Variants in DOCK3 observed in about 807,000 individuals in gnomAD.
The protein encoded by DOCK3 is dedicator of cytokinesis 3.
DOCK3 carries 60 observed loss-of-function variants against 265.6 expected under a neutral mutation model. The observed-to-expected ratio is 0.23, with a 90% confidence interval of 0.18 to 0.28. The LOEUF (loss-of-function observed/expected upper bound fraction) is 0.28. Ranked by LOEUF, DOCK3 falls within the 10% of genes least tolerant of loss-of-function variation. DOCK3 has a pLI of 1.00. For missense variants in DOCK3, 1,981 were observed against 2,594.3 expected (o/e 0.76, Z 5.14); for synonymous variants, 881 against 938.0 (o/e 0.94, Z 1.11).
intron 12 of DOCK3, among the ~76,000 whole-genome samples, chr3:51,165,615 G>T (rs2086363661): frequency 6.6e-6 from 1 of 151,796 alleles, no homozygotes; most frequent in Non-Finnish European, 1.5e-5. Flanking sequence ...CTATCCTCTA[G>T]CCCCTGGCAA....
At chr3:51,348,277 C>G (rs1440872032) in intron 38 of DOCK3, among the ~76,000 whole-genome samples, 1 of 152,184 alleles carries the variant, frequency 6.6e-6, no homozygotes, top group East Asian at 1.9e-4. Context: ...AATTTAAGGT[C>G]AAATAGTTCC....
chr3:50,796,310 C>A lies in DOCK3; in HGVS notation c.121+17552C>A, dbSNP rs189478193. Among the ~76,000 whole-genome samples, 25 of 151,890 alleles carry A rather than the reference C, an allele frequency of 1.6e-4. No individual in the cohort carries two copies. The East Asian group carries it at 3.9e-3, about 24-fold the overall frequency. On this transcript the variant is annotated intron_variant, in intron 2 of 52. Transcript: ENST00000266037. ...CCTCCCAAAGTGCTGGGATTACAGG[C>A]GTGAGCCACCATGCCCAGCCATTTT...
At chr3:50,717,078 A>C (rs1421116702) in intron 1 of DOCK3, among the ~76,000 whole-genome samples, 1 of 152,182 alleles carries the variant, frequency 6.6e-6, no homozygotes, top group Admixed American at 6.6e-5. Flanking sequence ...CCATAGGGAG[A>C]GTCCTTATTT....
rs528872873 is a variant in DOCK3, at chr3:50,723,487, A to G, written c.37+48187A>G. 2.6e-5 allele frequency among the ~76,000 whole-genome samples: 4 copies of G among 152,282 alleles called. No individual in the cohort carries two copies. In the South Asian group the frequency reaches 8.3e-4, roughly 32 times the overall value. On this transcript the variant is annotated intron_variant, in intron 1 of 52. Transcript: ENST00000266037. ...GGAGTTTGAGAACAGCCTGGCCAAC[A>G]TCGCGAAACCTCGTATCTACTTTGG...
chr3:51,337,945 G>A (rs1001381208), intron 35 of DOCK3, among the ~76,000 whole-genome samples: 1 of 152,228 alleles, frequency 6.6e-6, no homozygotes, highest in Non-Finnish European at 1.5e-5. Flanking sequence ...GGGCCCTGAA[G>A]TGGAGGGTCT....
intron 4 of DOCK3, among the ~76,000 whole-genome samples, chr3:50,920,368 C>T (rs528529077): frequency 2.0e-4 from 30 of 152,226 alleles, no homozygotes; most frequent in African/African-American, 5.3e-4. Context: ...GCTGTGAATC[C>T]GTCTGGTCCT....
chr3:51,354,911 C>T lies in DOCK3; in HGVS notation c.4137C>T (p.Asp1379=), dbSNP rs1486008217. Residue 1379 remains aspartate, a synonymous_variant, in exon 41 of 53, where the codon GAC becomes GAT. Transcript: ENST00000266037. ...AAGAATACGTGTGCCGTGGCCATGA[C>T]TACGAGAGGCTGGAGGCCTTCCAGC... ...RNKEYVCRGH[D]YERLEAFQQR... The T allele has an allele frequency of 1.2e-6, 2 of 1,613,806 alleles. No individual in the cohort carries two copies. The highest frequency in any genetic ancestry group is 1.6e-4 in the Middle Eastern group (1 of 6,084).
chr3:50,833,275 A>G (rs1371968636), intron 2 of DOCK3, among the ~76,000 whole-genome samples: 3 of 152,212 alleles, frequency 2.0e-5, no homozygotes, highest in African/African-American at 7.2e-5. Flanking sequence ...GAATCTAATA[A>G]CAGGCATACC....
At chr3:51,257,618 A>G (rs963052497) in intron 22 of DOCK3, among the ~76,000 whole-genome samples, 2 of 152,194 alleles carry the variant, frequency 1.3e-5, no homozygotes, top group Admixed American at 1.3e-4. Flanking sequence ...CTTAGCAGGT[A>G]GCCACAAGGA....
rs541430117 is a variant in DOCK3, at chr3:50,968,664, C to T, written c.315+34587C>T. ...TCCTAGGTTCAAGTGATTCTCCTGC[C>T]TCAGCCTCCCGAGTAGTTGGGACAA... On this transcript the variant is annotated intron_variant, in intron 5 of 52. Coordinates refer to ENST00000266037, the MANE Select transcript of DOCK3 (RefSeq NM_004947.5). Among the ~76,000 whole-genome samples, 214 of 152,036 alleles carry T rather than the reference C, an allele frequency of 1.4e-3. No individual in the cohort carries two copies. The Middle Eastern group carries it at 0.017, about 12-fold the overall frequency.
chr3:51,320,324 G>C (rs2083622340), intron 32 of DOCK3, among the ~76,000 whole-genome samples: 1 of 152,206 alleles, frequency 6.6e-6, no homozygotes, highest in African/African-American at 2.4e-5. Flanking sequence ...CCACACACCA[G>C]GAGATTCCCT....
At chr3:51,098,567 T>G (rs2082959204) in intron 9 of DOCK3, among the ~76,000 whole-genome samples, 2 of 152,228 alleles carry the variant, frequency 1.3e-5, no homozygotes. Context: ...GGCGAGCACT[T>G]TTTTATTAAA....
intron 1 of DOCK3, among the ~76,000 whole-genome samples, chr3:50,764,532 A>C (rs532877137): frequency 6.6e-6 from 1 of 152,312 alleles, no homozygotes; most frequent in African/African-American, 2.4e-5. Context: ...AATTCTTGGA[A>C]ACCATCCTGT....
At chr3:51,272,234 T>C (rs1353032347) in intron 24 of DOCK3, among the ~76,000 whole-genome samples, 1 of 152,014 alleles carries the variant, frequency 6.6e-6, no homozygotes, top group Non-Finnish European at 1.5e-5. Flanking sequence ...AGCAAAACAA[T>C]TATTAGAATT....
chr3:51,296,693 G>A (rs970171490), intron 27 of DOCK3, among the ~76,000 whole-genome samples: 2 of 151,940 alleles, frequency 1.3e-5, no homozygotes, highest in African/African-American at 2.4e-5. Context: ...AGCCAGGATG[G>A]TCTCGATCTC....
chr3:51,308,307 G>A (rs1430771358), intron 27 of DOCK3, among the ~76,000 whole-genome samples: 1 of 150,864 alleles, frequency 6.6e-6, no homozygotes, highest in South Asian at 2.1e-4. Context: ...TGGAGGGAAG[G>A]TCAGCAGATA....
chr3:51,044,324 A>G (rs977883372), intron 5 of DOCK3, among the ~76,000 whole-genome samples: 2 of 152,076 alleles, frequency 1.3e-5, no homozygotes, highest in Admixed American at 1.3e-4. Context: ...AACTAACACA[A>G]AAAAACAGAA....
At position 51,266,361 on chromosome 3, in the gene DOCK3, G is replaced by A. The variant is rs549909295; in HGVS notation, c.2356-4454G>A. Among the ~76,000 whole-genome samples the A allele has an allele frequency of 1.2e-4, 19 of 152,214 alleles. 1 individual carries two copies. The East Asian group carries it at 3.1e-3, about 25-fold the overall frequency. On this transcript the variant is annotated intron_variant, in intron 23 of 52. Coordinates refer to ENST00000266037, the MANE Select transcript of DOCK3 (RefSeq NM_004947.5). The stretch of plus-strand genomic sequence containing the variant: ...TTCATATGGAACCAAAAAAGAGCCC[G>A]CATTGCCAAGTCAATCCTAAGCCAA...
Position 51,361,818 on chromosome 3 carries a change from C to T in DOCK3, c.5007-41C>T, listed in dbSNP as rs1193693426. On this transcript the variant is annotated intron_variant, in intron 47 of 52. Transcript: ENST00000266037. This position sits in a 1 kb window ranked among gnomAD's most constrained non-coding sequence, Gnocchi z 4.2. ...GCTCTACTGTCCCCCTGCCACCTGCCATGGGCCTGACTCCTCCCTATTTCC... is the reference window on the plus strand; with the variant it reads ...GCTCTACTGTCCCCCTGCCACCTGCTATGGGCCTGACTCCTCCCTATTTCC... 6.3e-7 allele frequency: 1 copy of T among 1,599,978 alleles called. No individual in the cohort carries two copies. Among genetic ancestry groups the T allele is most frequent in the Non-Finnish European group, 8.5e-7 (1 of 1,172,892 alleles).
Sources: gnomAD v4.1 joint callset for allele counts (sites outside exome capture counted in the v4.1 genomes callset) on GRCh38, gnomAD v4.1.1 for gene constraint, Gnocchi (gnomAD v3.1) non-coding constraint, MANE v1.5 for transcripts, NCBI Gene and HGNC (gene_info 2026-07-23, HGNC 2026-07-21) for gene names.